The following FAM81A variants were observed in gnomAD, a reference collection of about 807,000 sequenced individuals.
The protein encoded by FAM81A is protein FAM81A.
FAM81A carries 19 observed loss-of-function variants against 46.7 expected under a neutral mutation model. The observed-to-expected ratio is 0.41, with a 90% CI of 0.28 to 0.60. The LOEUF is 0.60. Ranked by LOEUF, FAM81A falls within the 20% of genes least tolerant of loss-of-function variation. FAM81A has a pLI of 0.34. For synonymous variants in FAM81A, 183 were observed against 152.9 expected (o/e 1.20, Z -1.45); for missense variants, 377 against 453.5 (o/e 0.83, Z 1.53).
chr15:59,449,553 G>A (rs975618500), intron 1 of FAM81A, among the ~76,000 whole-genome samples: 2 of 151,976 alleles, frequency 1.3e-5, no homozygotes, highest in African/African-American at 2.4e-5. Context: ...AGGCCAAGGC[G>A]GGCGGATCAC....
intron 1 of FAM81A, among the ~76,000 whole-genome samples, chr15:59,457,810 A>G (rs2081502678): frequency 6.6e-6 from 1 of 152,234 alleles, no homozygotes. Flanking sequence ...TAATTATGGA[A>G]TCAGATCATA....
chr15:59,514,068 G>C (rs1208790203), intron 6 of FAM81A, among the ~76,000 whole-genome samples: 1 of 151,582 alleles, frequency 6.6e-6, no homozygotes, highest in African/African-American at 2.4e-5. Flanking sequence ...ACATACTGGG[G>C]CTTGGGGGCA....
At chr15:59,418,088 A>G (rs1415346426) in intron 2 of FAM81A, among the ~76,000 whole-genome samples, 3 of 152,156 alleles carry the variant, frequency 2.0e-5, no homozygotes, top group Non-Finnish European at 2.9e-5. Context: ...ATATCCCTAC[A>G]AAGGATATGA....
chr15:59,407,489 G>A lies in FAM81A; in HGVS notation c.-78+5131G>A, dbSNP rs138406792. Among the ~76,000 whole-genome samples, 201 of 151,988 alleles carry A rather than the reference G, an allele frequency of 1.3e-3. 2 individuals are homozygous for A. The highest frequency in any genetic ancestry group is 4.2e-3 in the African/African-American group (176 of 41,458). ...GTTTTGTATTTTTAGTAGAGACGGG[G>A]TTTCACCATGTTAGCCAGGATGGTC... On this transcript the variant is annotated intron_variant, in intron 2 of 4. Coordinates refer to the FAM81A transcript ENST00000558348.
chr15:59,464,206 C>G (rs564344385), intron 3 of FAM81A, among the ~76,000 whole-genome samples: 1 of 152,254 alleles, frequency 6.6e-6, no homozygotes, highest in East Asian at 1.9e-4. Context: ...TTGTCTTTAT[C>G]CATTCATCCA....
At chr15:59,488,999 C>T (rs185109131) in intron 3 of FAM81A, among the ~76,000 whole-genome samples, 2 of 152,218 alleles carry the variant, frequency 1.3e-5, no homozygotes, top group South Asian at 2.1e-4. Flanking sequence ...GGTGCGGTGG[C>T]TCACGCCTGT....
rs1339211150 is a variant in FAM81A, at chr15:59,522,622, C to T, written c.*1244C>T. 6.6e-6 allele frequency: 1 copy of T among 152,444 alleles called. No homozygotes were observed. Among genetic ancestry groups the T allele is most frequent in the Non-Finnish European group, 1.5e-5 (1 of 68,026 alleles). The allele number at this position is 152,444 out of a possible 1,614,324, so 9.4% of individuals were successfully genotyped here. On this transcript the variant is annotated 3_prime_UTR_variant, in exon 9 of 9. Coordinates refer to ENST00000288228, the MANE Select transcript of FAM81A (RefSeq NM_152450.3). The stretch of plus-strand genomic sequence containing the variant: ...TGGCCCCAGTGCTGTTTGTTCATCT[C>T]TGTATGTAAAAACTGACAGTGAGAC...
chr15:59,420,360 G>T (rs1290509992), intron 2 of FAM81A, among the ~76,000 whole-genome samples: 1 of 152,154 alleles, frequency 6.6e-6, no homozygotes, highest in Non-Finnish European at 1.5e-5. Context: ...TCATGTCATT[G>T]TTCTTCCTGT....
chr15:59,520,811 G>A (rs1427639966), intron 8 of FAM81A, among the ~76,000 whole-genome samples: 1 of 152,104 alleles, frequency 6.6e-6, no homozygotes, highest in Non-Finnish European at 1.5e-5. Context: ...TGATCCATCC[G>A]CCTTGGCCTC....
intron 3 of FAM81A, among the ~76,000 whole-genome samples, chr15:59,478,220 T>G (rs757406821): frequency 6.6e-6 from 1 of 152,224 alleles, no homozygotes; most frequent in Admixed American, 6.5e-5. Flanking sequence ...GGTTAGAATC[T>G]GCGGACCTAC....
At chr15:59,512,164 C>G (rs2082217602) in intron 6 of FAM81A, among the ~76,000 whole-genome samples, 1 of 152,088 alleles carries the variant, frequency 6.6e-6, no homozygotes, top group East Asian at 1.9e-4. Flanking sequence ...TTAGTACGTT[C>G]CATTTGTATA....
At chr15:59,418,032 T>G (rs185490859) in intron 2 of FAM81A, among the ~76,000 whole-genome samples, 1 of 152,238 alleles carries the variant, frequency 6.6e-6, no homozygotes, top group Non-Finnish European at 1.5e-5. Flanking sequence ...TTTGGTTTTC[T>G]GTCCTTGTGA....
chr15:59,430,947 C>T (rs756605900), intron 2 of FAM81A, among the ~76,000 whole-genome samples: 1 of 152,130 alleles, frequency 6.6e-6, no homozygotes, highest in Non-Finnish European at 1.5e-5. Context: ...AATCTTTACT[C>T]TTCTGACTGA....
chr15:59,461,426 C>T (rs373821649), intron 3 of FAM81A, among the ~76,000 whole-genome samples: 2 of 152,146 alleles, frequency 1.3e-5, no homozygotes, highest in East Asian at 3.8e-4. Context: ...GCTGGGACTA[C>T]AGGTGTGCAC....
At position 59,460,517 on chromosome 15, in the gene FAM81A, C is replaced by T. The variant is rs1463517353; in HGVS notation, c.294+311C>T. The T allele has an allele frequency of 2.4e-6, 1 of 424,624 alleles. No homozygotes were observed. Among genetic ancestry groups the T allele is most frequent in the Non-Finnish European group, 4.4e-6 (1 of 227,512 alleles). 26.3% of individuals were successfully genotyped at this position (424,624 alleles called of 1,614,324 possible). Reference sequence around the variant, plus strand: ...GAAGAACTAGTCGAATAGTTTCACTCTATAATCTTTCATATCTTTGAAGAC... The same window carrying T: ...GAAGAACTAGTCGAATAGTTTCACTTTATAATCTTTCATATCTTTGAAGAC... On this transcript the variant is annotated intron_variant, in intron 3 of 8. Coordinates refer to ENST00000288228, the MANE Select transcript of FAM81A (RefSeq NM_152450.3). The surrounding 1 kb of genome is among the most constrained non-coding windows in gnomAD (Gnocchi z 4.4).
At chr15:59,483,460 C>A (rs1455911611) in intron 3 of FAM81A, among the ~76,000 whole-genome samples, 1 of 151,624 alleles carries the variant, frequency 6.6e-6, no homozygotes, top group East Asian at 1.9e-4. Context: ...AAAAAATACA[C>A]AAGTATTTTC....
rs777663816 is a variant in FAM81A at position 59,522,627 on chromosome 15, T to C, written c.*1249T>C. On this transcript the variant is annotated 3_prime_UTR_variant, in exon 9 of 9. Transcript: ENST00000288228. ...CCAGTGCTGTTTGTTCATCTCTGTATGTAAAAACTGACAGTGAGACACAAC... is the reference window on the plus strand; with the variant it reads ...CCAGTGCTGTTTGTTCATCTCTGTACGTAAAAACTGACAGTGAGACACAAC... 1 of 152,552 alleles carries C rather than the reference T, an allele frequency of 6.6e-6. No homozygotes were observed. The highest frequency in any genetic ancestry group is 2.4e-5 in the African/African-American group (1 of 41,454). The allele number at this position is 152,552 out of a possible 1,614,324, so 9.4% of individuals were successfully genotyped here. A position where few individuals can be genotyped will look rare whatever the true frequency, so the allele number is the denominator to read the frequency against.
chr15:59,431,769 T>G (rs1327179797), intron 2 of FAM81A, among the ~76,000 whole-genome samples: 1 of 152,186 alleles, frequency 6.6e-6, no homozygotes, highest in Non-Finnish European at 1.5e-5. Context: ...ATGAATCCCC[T>G]TAAGGGGAGA....
intron 4 of FAM81A, among the ~76,000 whole-genome samples, chr15:59,501,649 T>C (rs2082092008): frequency 1.3e-5 from 2 of 152,220 alleles, no homozygotes; most frequent in African/African-American, 4.8e-5. Context: ...TGGGACTCTC[T>C]AGATGGACTT....
Sources: gnomAD v4.1 joint callset for allele counts (sites outside exome capture counted in the v4.1 genomes callset) on GRCh38, gnomAD v4.1.1 for gene constraint, Gnocchi (gnomAD v3.1) non-coding constraint, MANE v1.5 for transcripts, NCBI Gene and HGNC (gene_info 2026-07-23, HGNC 2026-07-21) for gene names.